EXOC4: variants seen among roughly 807,000 people sequenced by gnomAD.
EXOC4 encodes SEC8-like 1.
In EXOC4, 71 loss-of-function variants were observed where a neutral mutation model predicts 107.2. That is an observed-to-expected ratio of 0.66 (90% CI 0.55 to 0.81). EXOC4 has a LOEUF of 0.81. Among genes scored for constraint, EXOC4 ranks in the 30% least tolerant of loss-of-function variants. The pLI is 0.00. For synonymous variants in EXOC4, 456 were observed against 441.2 expected (o/e 1.03, Z -0.42); for missense variants, 1,108 against 1,189.6 (o/e 0.93, Z 1.01).
intron 17 of EXOC4, among the ~76,000 whole-genome samples, chr7:134,053,729 A>G (rs1233981902): frequency 6.6e-6 from 1 of 151,870 alleles, no homozygotes; most frequent in Non-Finnish European, 1.5e-5. Flanking sequence ...TCACTTACTG[A>G]TAAGCAGACA....
rs751502990 is a variant in EXOC4 at position 134,064,384 on chromosome 7, C to G, written c.2781C>G (p.His927Gln). ...AGTACACGGAGCTGGAGTACATCCA[C>G]GCTCTGACCCTGCTGCACCGCAGCC... ...GVKYTELEYI[H>Q]ALTLLHRSQT... Residue 927 changes from histidine to glutamine, a missense_variant, in exon 18 of 18, where the codon CAC becomes CAG. His to Gln is a conservative substitution (Grantham distance 24, BLOSUM62 0). Coordinates refer to ENST00000253861, the MANE Select transcript of EXOC4 (RefSeq NM_021807.4). The G allele has an allele frequency of 6.3e-7, 1 of 1,595,642 alleles. No individual in the cohort carries two copies. The highest frequency in any genetic ancestry group is 1.1e-5 in the South Asian group (1 of 88,660).
At chr7:133,950,478 C>T (rs1800664290) in intron 14 of EXOC4, among the ~76,000 whole-genome samples, 1 of 149,020 alleles carries the variant, frequency 6.7e-6, no homozygotes. Flanking sequence ...TCTCCTTAGG[C>T]CTCAGGGCAT....
At chr7:133,798,518 A>G (rs1052267180) in intron 10 of EXOC4, among the ~76,000 whole-genome samples, 1 of 149,202 alleles carries the variant, frequency 6.7e-6, no homozygotes, top group Non-Finnish European at 1.5e-5. Context: ...GTTTATAGAC[A>G]CGAGGTGAAT....
At chr7:133,928,597 C>T (rs769735964) in intron 13 of EXOC4, among the ~76,000 whole-genome samples, 1 of 152,168 alleles carries the variant, frequency 6.6e-6, no homozygotes, top group Non-Finnish European at 1.5e-5. Flanking sequence ...CCCAGAAACC[C>T]TCCTCCCGCT....
At chr7:133,980,414 T>TATCA (rs1272123675) in intron 14 of EXOC4, among the ~76,000 whole-genome samples, 1 of 152,252 alleles carries the variant, frequency 6.6e-6, no homozygotes, top group Admixed American at 6.5e-5. Flanking sequence ...ATGTGTTTTA[T>TATCA]ATCATTGAAT....
intron 11 of EXOC4, among the ~76,000 whole-genome samples, chr7:133,857,871 G>C (rs528069501): frequency 1.6e-4 from 24 of 152,198 alleles, no homozygotes; most frequent in South Asian, 8.3e-4. Flanking sequence ...GATCGGGCGT[G>C]GGGGGAGGCA....
chr7:133,735,692 A>C (rs577913359), intron 10 of EXOC4, among the ~76,000 whole-genome samples: 1 of 152,036 alleles, frequency 6.6e-6, no homozygotes, highest in East Asian at 1.9e-4. Context: ...TATCAAGCGA[A>C]GCTCCCCATT....
chr7:133,495,799 C>T (rs968988208), intron 9 of EXOC4, among the ~76,000 whole-genome samples: 3 of 152,138 alleles, frequency 2.0e-5, no homozygotes, highest in Admixed American at 2.0e-4. Context: ...ATTACAAATG[C>T]ACTAATTTCT....
chr7:133,521,606 T>G (rs919502211), intron 9 of EXOC4, among the ~76,000 whole-genome samples: 7 of 148,648 alleles, frequency 4.7e-5, no homozygotes, highest in Admixed American at 2.7e-4. Context: ...CAGTTCCGTG[T>G]TTTTTTTTTG....
intron 9 of EXOC4, among the ~76,000 whole-genome samples, chr7:133,624,183 G>A (rs559129431): frequency 6.6e-6 from 1 of 152,044 alleles, no homozygotes; most frequent in Non-Finnish European, 1.5e-5. Flanking sequence ...TGTCAGATGG[G>A]GCATGCCACT....
chr7:133,907,720 T>A (rs1181302787), intron 12 of EXOC4, among the ~76,000 whole-genome samples: 1 of 151,978 alleles, frequency 6.6e-6, no homozygotes. Flanking sequence ...GTTCCTGTAA[T>A]CCCTTCTACT....
intron 10 of EXOC4, among the ~76,000 whole-genome samples, chr7:133,668,563 C>T (rs1793868543): frequency 6.6e-6 from 1 of 152,190 alleles, no homozygotes; most frequent in African/African-American, 2.4e-5. Flanking sequence ...TAGTATCATA[C>T]TGTGGCTTTC....
intron 11 of EXOC4, among the ~76,000 whole-genome samples, chr7:133,841,898 A>G (rs1216234156): frequency 6.6e-6 from 1 of 152,174 alleles, no homozygotes; most frequent in Non-Finnish European, 1.5e-5. Context: ...CTCACTTATA[A>G]GTGAGAACAT....
the EXOC4 span, among the ~76,000 whole-genome samples, chr7:134,092,904 CA>C: frequency 1.9e-3 from 258 of 135,168 alleles, no homozygotes; most frequent in Non-Finnish European, 3.0e-3. Flanking sequence ...GCCTGGGCGA[CA>C]GAGTGAGACT....
chr7:133,402,062 C>A (rs1272338614), intron 7 of EXOC4, among the ~76,000 whole-genome samples: 1 of 152,080 alleles, frequency 6.6e-6, no homozygotes, highest in Non-Finnish European at 1.5e-5. Context: ...AGCTGGAAGA[C>A]TGGGAATGAG....
chr7:133,869,387 T>C (rs1264070684), intron 11 of EXOC4, among the ~76,000 whole-genome samples: 1 of 152,106 alleles, frequency 6.6e-6, no homozygotes, highest in African/African-American at 2.4e-5. Context: ...GCAAAGAACT[T>C]AGCCTTTCTG....
intron 14 of EXOC4, among the ~76,000 whole-genome samples, chr7:133,977,969 T>C (rs1017938867): frequency 6.6e-6 from 1 of 152,182 alleles, no homozygotes; most frequent in Non-Finnish European, 1.5e-5. Context: ...ACCAAAAGGT[T>C]TCTTTGTACA....
intron 10 of EXOC4, among the ~76,000 whole-genome samples, chr7:133,742,362 A>G (rs1031328719): frequency 6.6e-6 from 1 of 152,218 alleles, no homozygotes; most frequent in Non-Finnish European, 1.5e-5. Context: ...TAAAAGATAC[A>G]GTAAAACAAT....
intron 9 of EXOC4, among the ~76,000 whole-genome samples, chr7:133,611,202 A>G (rs1802069224): frequency 6.6e-6 from 1 of 152,112 alleles, no homozygotes. Flanking sequence ...AATAGGAATG[A>G]GAAGTGTGAT....
Sources: gnomAD v4.1 joint callset for allele counts (sites outside exome capture counted in the v4.1 genomes callset) on GRCh38, gnomAD v4.1.1 for gene constraint, MANE v1.5 for transcripts, NCBI Gene and HGNC (gene_info 2026-07-23, HGNC 2026-07-21) for gene names.